Variants in VPS13D observed in about 807,000 individuals in gnomAD.
The protein encoded by VPS13D is intermembrane lipid transfer protein VPS13D.
VPS13D carries 187 observed loss-of-function variants against 461.9 expected under a neutral mutation model. The observed-to-expected ratio is 0.40, with a 90% CI of 0.36 to 0.46. VPS13D has a LOEUF of 0.46. VPS13D is among the 20% of genes least tolerant of loss of function. VPS13D has a pLI of 0.60. For missense variants in VPS13D, 4,711 were observed against 5,364.9 expected (o/e 0.88, Z 3.81); for synonymous variants, 1,951 against 1,986.3 (o/e 0.98, Z 0.47).
intron 57 of VPS13D, among the ~76,000 whole-genome samples, chr1:12,380,681 G>A (rs1033594477): frequency 3.9e-5 from 6 of 152,254 alleles, no homozygotes; most frequent in African/African-American, 1.2e-4. Flanking sequence ...GTCCAGCCTG[G>A]GATTTTACAC....
Position 12,372,253 on chromosome 1 carries a change from G to T in VPS13D, c.10809-1497G>T, listed in dbSNP as rs1253515317. The stretch of plus-strand genomic sequence containing the variant: ...AAAATTTTTTTTTGGTAGAGACAGG[G>T]TCTCACTATTTTGCCCAGGCTGGTC... On this transcript the variant is annotated intron_variant, in intron 54 of 69. Coordinates refer to ENST00000620676, the MANE Select transcript of VPS13D (RefSeq NM_015378.4). Among the ~76,000 whole-genome samples, 3 of 152,110 alleles carry T rather than the reference G, an allele frequency of 2.0e-5. No individual in the cohort carries two copies. In the East Asian group the frequency reaches 5.8e-4, roughly 29 times the overall value.
At chr1:12,478,491 A>G (rs1168712059) in intron 67 of VPS13D, 5 of 247,600 alleles carry the variant, frequency 2.0e-5, no homozygotes, top group Non-Finnish European at 4.1e-5. Flanking sequence ...ACTGCCGCCA[A>G]TGAGTGCATA....
At position 12,461,957 on chromosome 1, in the gene VPS13D, T is replaced by G. The variant is rs1211635814; in HGVS notation, c.12662+1561T>G. Among the ~76,000 whole-genome samples, 3 of 152,194 alleles carry G rather than the reference T, an allele frequency of 2.0e-5. No homozygotes were observed. The East Asian group carries it at 5.8e-4, about 29-fold the overall frequency. On this transcript the variant is annotated intron_variant, in intron 67 of 69. Transcript: ENST00000620676. ...AGAAAGAATGTCTTTGAGAGGGACA[T>G]TCTTGTCATTTTTATTAGTTGTTCA...
rs1646095713 is a variant in VPS13D at position 12,505,687 on chromosome 1, G to C, written c.12795-1166G>C. Among the ~76,000 whole-genome samples the C allele has an allele frequency of 6.6e-6, 1 of 152,322 alleles. No individual in the cohort carries two copies. Among genetic ancestry groups the C allele is most frequent in the African/African-American group, 2.4e-5 (1 of 41,568 alleles). On this transcript the variant is annotated intron_variant, in intron 68 of 69. Coordinates refer to ENST00000620676, the MANE Select transcript of VPS13D (RefSeq NM_015378.4). The surrounding 1 kb of genome is among the most constrained non-coding windows in gnomAD (Gnocchi z 4.2). ...GAGTTTGTGCTTGGCCATGCTTTGG[G>C]GGCCATCACAATTAAATGCTCAAAA... is the stretch of plus-strand genomic sequence containing the variant.
intron 38 of VPS13D, among the ~76,000 whole-genome samples, chr1:12,334,971 A>G (rs1038675834): frequency 6.6e-6 from 1 of 152,234 alleles, no homozygotes; most frequent in Non-Finnish European, 1.5e-5. Context: ...TTCTTCCAAA[A>G]AGTATAACAT....
rs777184236 is a variant in VPS13D, at chr1:12,249,248, G to T, written c.473G>T (p.Arg158Leu). 6.2e-7 allele frequency: 1 copy of T among 1,612,430 alleles called. No homozygotes were observed. ...TTAAAAATTCAAGATGTCCATTTAC[G>T]CTTTGAAGATGGTGTCACCAATCCC... is the stretch of plus-strand genomic sequence containing the variant. ...IELKIQDVHLRFEDGVTNPSH... is the reference protein window; with the variant it reads ...IELKIQDVHLLFEDGVTNPSH... Residue 158 changes from arginine (R) to leucine (L), a missense_variant, in exon 6 of 70, where the codon CGC (arginine) becomes CTC (leucine). Coordinates refer to ENST00000620676, the MANE Select transcript of VPS13D (RefSeq NM_015378.4).
intron 60 of VPS13D, among the ~76,000 whole-genome samples, chr1:12,396,260 C>T (rs918751777): frequency 5.3e-5 from 8 of 151,662 alleles, no homozygotes; most frequent in East Asian, 1.9e-4. Context: ...TTCAAGGCTA[C>T]TGTGGAGCTG....
intron 6 of VPS13D, among the ~76,000 whole-genome samples, chr1:12,252,788 CAAGAG>C (rs888455296): frequency 1.4e-5 from 2 of 138,140 alleles, no homozygotes; most frequent in African/African-American, 2.7e-5. Context: ...AAAAAAAAAA[CAAGAG>C]AAGAAAATAT....
intron 60 of VPS13D, among the ~76,000 whole-genome samples, chr1:12,389,593 T>C (rs546511121): frequency 6.6e-6 from 1 of 152,038 alleles, no homozygotes; most frequent in Admixed American, 6.6e-5. Flanking sequence ...AAACATGTTT[T>C]TAACAAAAGA....
At chr1:12,328,898 C>A (rs989464656) in intron 36 of VPS13D, among the ~76,000 whole-genome samples, 1 of 152,132 alleles carries the variant, frequency 6.6e-6, no homozygotes, top group Non-Finnish European at 1.5e-5. Context: ...TTTTAACTTT[C>A]CATTGTTTCG....
At chr1:12,246,080 T>C (rs964396172) in intron 5 of VPS13D, among the ~76,000 whole-genome samples, 1 of 152,160 alleles carries the variant, frequency 6.6e-6, no homozygotes, top group Admixed American at 6.5e-5. Flanking sequence ...CTGACTTGTG[T>C]GGAGGTAGCT....
intron 52 of VPS13D, among the ~76,000 whole-genome samples, 185 bp from the exon 53 acceptor site, chr1:12,368,283 A>G (rs1644067279): frequency 6.6e-6 from 1 of 152,210 alleles, no homozygotes; most frequent in African/African-American, 2.4e-5. Flanking sequence ...GAAAATCACC[A>G]TTTTGTAATC....
chr1:12,461,819 A>G (rs183476157), intron 67 of VPS13D, among the ~76,000 whole-genome samples: 2 of 152,362 alleles, frequency 1.3e-5, no homozygotes, highest in African/African-American at 2.4e-5. Context: ...TGAAGTTTTA[A>G]TAATGTTGAC....
chr1:12,267,451 T>C (rs1425497308), intron 14 of VPS13D, among the ~76,000 whole-genome samples: 1 of 152,202 alleles, frequency 6.6e-6, no homozygotes, highest in African/African-American at 2.4e-5. Context: ...AGATCTTTGA[T>C]CTTAAGTTGG....
chr1:12,344,622 A>T (rs763770315), intron 42 of VPS13D, among the ~76,000 whole-genome samples: 1 of 152,180 alleles, frequency 6.6e-6, no homozygotes, highest in African/African-American at 2.4e-5. Flanking sequence ...TCCGTATTTC[A>T]TAATCCATTT....
At chr1:12,325,891 T>C (rs1461318617) in intron 35 of VPS13D, among the ~76,000 whole-genome samples, 1 of 152,176 alleles carries the variant, frequency 6.6e-6, no homozygotes, top group East Asian at 1.9e-4. Flanking sequence ...CTATGTCTTT[T>C]AAGTATATCC....
intron 48 of VPS13D, 143 bp downstream of exon 48, chr1:12,356,233 A>G: frequency 7.3e-7 from 1 of 1,369,722 alleles, no homozygotes. Context: ...TCCATCATAA[A>G]TGCTTAATCA....
At chr1:12,462,932 G>T (rs1645431046) in intron 67 of VPS13D, among the ~76,000 whole-genome samples, 1 of 152,096 alleles carries the variant, frequency 6.6e-6, no homozygotes, top group African/African-American at 2.4e-5. Flanking sequence ...GCCCAATGAA[G>T]TTTTACATTT....
intron 47 of VPS13D, among the ~76,000 whole-genome samples, chr1:12,354,675 T>A (rs1384898064): frequency 3.9e-5 from 6 of 152,268 alleles, no homozygotes; most frequent in African/African-American, 1.4e-4. Context: ...CTTTTTAAAC[T>A]ATGCTTTTCC....
Sources: allele counts gnomAD v4.1 joint callset (sites outside exome capture counted in the v4.1 genomes callset), GRCh38; gene constraint gnomAD v4.1.1; non-coding constraint Gnocchi (gnomAD v3.1); transcripts MANE v1.5; gene names NCBI Gene and HGNC (gene_info 2026-07-23, HGNC 2026-07-21).